Variants in RBM4 observed in about 807,000 individuals in gnomAD.
RBM4 encodes RNA-binding protein 4.
RBM4 carries 7 observed loss-of-function variants against 29.5 expected under a neutral mutation model. The observed-to-expected ratio is 0.24, with a 90% CI of 0.14 to 0.45. The LOEUF (loss-of-function observed/expected upper bound fraction) is 0.45, where lower values mean the gene tolerates loss of function less well. Among genes scored for constraint, RBM4 ranks in the 20% least tolerant of loss-of-function variants. RBM4 has a pLI of 1.00. For synonymous variants in RBM4, 220 were observed against 205.4 expected (o/e 1.07, Z -0.61); for missense variants, 387 against 502.3 (o/e 0.77, Z 2.19).
chr11:66,666,095 C>T, exon 3 of RBM4: 1 of 873,362 alleles, frequency 1.1e-6, no homozygotes, highest in East Asian at 2.7e-5. Flanking sequence ...CACCCAATTC[C>T]AACACACCTA....
At chr11:66,641,773 A>G (rs923886871) in intron 2 of RBM4, among the ~76,000 whole-genome samples, 8 of 152,140 alleles carry the variant, frequency 5.3e-5, no homozygotes, top group African/African-American at 1.9e-4. Context: ...AGAATTATAG[A>G]TGTATATTGA....
chr11:66,666,107 A>G (rs1350694663), exon 3 of RBM4: 2 of 817,504 alleles, frequency 2.4e-6, no homozygotes, highest in African/African-American at 1.7e-5. Flanking sequence ...ACACACCTAC[A>G]TGTCACACTG....
chr11:66,648,264 T>G (rs562043485), downstream of RBM4, among the ~76,000 whole-genome samples: 1 of 151,026 alleles, frequency 6.6e-6, no homozygotes, highest in South Asian at 2.1e-4. Flanking sequence ...TCAACGCCAG[T>G]AATCCCAGCA....
intron 2 of RBM4, chr11:66,665,761 A>G (rs1939207084): frequency 1.5e-6 from 2 of 1,309,566 alleles, no homozygotes; most frequent in Non-Finnish European, 2.1e-6. Flanking sequence ...ATAGCTATAT[A>G]TAGGAATCCA....
chr11:66,646,344 T>C lies in RBM4; in HGVS notation c.*326T>C. The C allele has an allele frequency of 7.9e-7, 1 of 1,261,918 alleles. No homozygotes were observed. The highest frequency in any genetic ancestry group is 1.0e-6 in the Non-Finnish European group (1 of 997,198). The allele number at this position is 1,261,918 out of a possible 1,614,324, so 78.2% of individuals were successfully genotyped here. Reference sequence around the variant, plus strand: ...CCCTGCCTCCTGCCTCCTGCGGCTGTTGGATTTGGGAATGACCTTGGTGAG... The same window carrying C: ...CCCTGCCTCCTGCCTCCTGCGGCTGCTGGATTTGGGAATGACCTTGGTGAG... On this transcript the variant is annotated 3_prime_UTR_variant, in exon 4 of 4. Coordinates refer to ENST00000310092, the MANE Select transcript of RBM4 (RefSeq NM_002896.4).
At chr11:66,666,255 A>G in exon 3 of RBM4, 2 of 1,104,106 alleles carry the variant, frequency 1.8e-6, no homozygotes, top group South Asian at 5.3e-5. Context: ...GCTGGGGGAA[A>G]AAAAAAGTTA....
chr11:66,654,197 G>T (rs548340003), intron 2 of RBM4, among the ~76,000 whole-genome samples: 159 of 152,020 alleles, frequency 1.0e-3, no homozygotes, highest in African/African-American at 3.5e-3. Flanking sequence ...ACTATTAGAA[G>T]AATTTTATTT....
rs1439728420 is a variant in RBM4, at chr11:66,643,223, G to A, written c.413-227G>A. ...TTATTTCTTAAGCATTTAAACTGTT[G>A]TTATAGCTGAAATATTTCTTCATCT... is the stretch of plus-strand genomic sequence containing the variant. On this transcript the variant is annotated intron_variant, in intron 2 of 3. Transcript: ENST00000310092. This position sits in a 1 kb window ranked among gnomAD's most constrained non-coding sequence, Gnocchi z 6.1. Among the ~76,000 whole-genome samples, 1 of 151,604 alleles carries A rather than the reference G, an allele frequency of 6.6e-6. No homozygotes were observed. The highest frequency in any genetic ancestry group is 2.4e-5 in the African/African-American group (1 of 41,230).
intron 2 of RBM4, among the ~76,000 whole-genome samples, chr11:66,657,398 T>C (rs1938969543): frequency 6.6e-6 from 1 of 151,792 alleles, no homozygotes; most frequent in Non-Finnish European, 1.5e-5. Context: ...ACTACTAAGA[T>C]TAGGCCGGGC....
Position 66,655,185 on chromosome 11 carries a change from C to T in RBM4, c.413-10671C>T, listed in dbSNP as rs190129991. On this transcript the variant is annotated intron_variant, in intron 2 of 2. Transcript: ENST00000396053. ...ATTTTTAGTAGGGATGGTGTTTCAC[C>T]ATGTTGGCCCTGCTGGTTTCGAACT... Among the ~76,000 whole-genome samples the T allele has an allele frequency of 2.0e-5, 3 of 152,262 alleles. No individual in the cohort carries two copies. The East Asian group carries it at 5.8e-4, about 29-fold the overall frequency.
intron 2 of RBM4, among the ~76,000 whole-genome samples, chr11:66,656,141 T>C (rs1938944737): frequency 6.6e-6 from 1 of 151,988 alleles, no homozygotes; most frequent in Non-Finnish European, 1.5e-5. Flanking sequence ...CGGCTAATTT[T>C]GTATTTTTTT....
intron 2 of RBM4, among the ~76,000 whole-genome samples, chr11:66,652,054 T>C (rs1938843691): frequency 6.6e-6 from 1 of 152,094 alleles, no homozygotes; most frequent in South Asian, 2.1e-4. Context: ...AAAATAATAA[T>C]CTGATGAAGT....
downstream of RBM4, chr11:66,650,075 C>T (rs1938791557): frequency 2.4e-6 from 1 of 418,704 alleles, no homozygotes; most frequent in Non-Finnish European, 4.2e-6. Context: ...TGTGCCTCCA[C>T]AAGCTGCTGC....
downstream of RBM4, among the ~76,000 whole-genome samples, chr11:66,648,659 T>C (rs1192203033): frequency 6.6e-6 from 1 of 151,456 alleles, no homozygotes; most frequent in African/African-American, 2.4e-5. Context: ...TACTGAAAAA[T>C]ATAAGTTAGC....
chr11:66,662,416 T>A (rs144377103), intron 2 of RBM4, among the ~76,000 whole-genome samples: 67 of 150,050 alleles, frequency 4.5e-4, no homozygotes, highest in African/African-American at 1.3e-3. Flanking sequence ...TTATTTATTT[T>A]TTTGAGACAG....
At chr11:66,661,417 C>T (rs1196300852) in intron 2 of RBM4, among the ~76,000 whole-genome samples, 1 of 152,174 alleles carries the variant, frequency 6.6e-6, no homozygotes, top group East Asian at 1.9e-4. Context: ...TGCAGGCAGC[C>T]AACCTTTTTC....
chr11:66,643,695 G>T lies in RBM4; in HGVS notation c.658G>T (p.Ala220Ser). ...YYNNAYGALD[A>S]YYKRCRAARS... The stretch of plus-strand genomic sequence containing the variant: ...CAACAACGCGTACGGAGCGCTCGAT[G>T]CCTACTACAAGCGCTGCCGTGCTGC... The change falls in exon 3 of 4, where the codon GCC (alanine) becomes TCC (serine). Residue 220 changes from alanine to serine, a missense_variant. Physicochemically the swap from Ala to Ser is moderately conservative, Grantham distance 99. Transcript: ENST00000310092. This position sits in a 1 kb window ranked among gnomAD's most constrained non-coding sequence, Gnocchi z 6.1. The T allele has an allele frequency of 6.2e-7, 1 of 1,614,200 alleles. No homozygotes were observed. Among genetic ancestry groups the T allele is most frequent in the South Asian group, 1.1e-5 (1 of 91,088 alleles).
exon 3 of RBM4, chr11:66,666,558 A>G (rs1939235892): frequency 2.4e-6 from 1 of 417,716 alleles, no homozygotes. Context: ...CACTGCTTGC[A>G]GTCAAAATTC....
At chr11:66,649,615 A>G, downstream of RBM4, 1 of 607,612 alleles carries the variant, frequency 1.6e-6, no homozygotes, top group Non-Finnish European at 2.9e-6. Flanking sequence ...AGTTGTTTTT[A>G]TGCTTCCAAT....
Sources: allele counts gnomAD v4.1 joint callset (sites outside exome capture counted in the v4.1 genomes callset), GRCh38; gene constraint gnomAD v4.1.1; non-coding constraint Gnocchi (gnomAD v3.1); transcripts MANE v1.5; gene names NCBI Gene and HGNC (gene_info 2026-07-23, HGNC 2026-07-21).